PCDHGB1: variants seen among roughly 807,000 people sequenced by gnomAD.
PCDHGB1 encodes the protein protocadherin gamma subfamily B, 1.
A neutral mutation model predicts 56.6 loss-of-function variants in PCDHGB1; 34 were observed. That is an observed-to-expected ratio of 0.60 (90% CI 0.46 to 0.80). The LOEUF (loss-of-function observed/expected upper bound fraction) is 0.80. PCDHGB1 is among the 30% of genes least tolerant of loss of function. PCDHGB1 has a pLI of 0.00. For synonymous variants in PCDHGB1, 561 were observed against 505.9 expected (o/e 1.11, Z -1.46); for missense variants, 1,278 against 1,204.6 (o/e 1.06, Z -0.90).
At chr5:141,447,937 T>A (rs1036604034) in intron 1 of PCDHGB1, among the ~76,000 whole-genome samples, 1 of 151,852 alleles carries the variant, frequency 6.6e-6, no homozygotes, top group Non-Finnish European at 1.5e-5. Context: ...AATACAAAAA[T>A]TAGCTGGGCA....
intron 1 of PCDHGB1, among the ~76,000 whole-genome samples, chr5:141,482,238 A>G (rs560354311): frequency 8.5e-5 from 13 of 152,304 alleles, no homozygotes; most frequent in African/African-American, 2.9e-4. Context: ...TTGCCAATAT[A>G]AGTATAGTAC....
At chr5:141,443,481 G>C (rs1025329476) in intron 1 of PCDHGB1, among the ~76,000 whole-genome samples, 3 of 152,114 alleles carry the variant, frequency 2.0e-5, no homozygotes, top group African/African-American at 7.2e-5. Context: ...ATTAGACCCT[G>C]TCCCAAAACA....
At chr5:141,395,578 G>A (rs2093281923) in intron 1 of PCDHGB1, 1 of 227,714 alleles carries the variant, frequency 4.4e-6, no homozygotes, top group East Asian at 9.3e-5. Flanking sequence ...GTGTGTGTGT[G>A]TGTGTGTGTG....
intron 1 of PCDHGB1, chr5:141,385,250 G>C (rs1448897004): frequency 6.2e-7 from 1 of 1,613,820 alleles, no homozygotes. Context: ...AGCCAGGAGA[G>C]CTGTGAGAAA....
chr5:141,483,716 G>C (rs772661472), intron 1 of PCDHGB1, among the ~76,000 whole-genome samples: 1 of 151,974 alleles, frequency 6.6e-6, no homozygotes, highest in Non-Finnish European at 1.5e-5. Context: ...CCAGAATATT[G>C]GTTCCCACCA....
chr5:141,401,408 A>T (rs943963302), intron 1 of PCDHGB1, among the ~76,000 whole-genome samples: 9 of 152,200 alleles, frequency 5.9e-5, no homozygotes, highest in African/African-American at 1.7e-4. Context: ...TATGAGAGAG[A>T]AAGAGAGAGA....
rs749832081 is a variant in PCDHGB1, at chr5:141,360,505, C to G, written c.2409+7836C>G. On this transcript the variant is annotated intron_variant, in intron 1 of 3. Coordinates refer to ENST00000523390, the MANE Select transcript of PCDHGB1 (RefSeq NM_018922.3). ...TATTTTCTACATAGCAGTAATTGTG[C>G]AGGATATAAATGATAATACCCCGCT... 5 of 1,613,778 alleles carry G rather than the reference C, an allele frequency of 3.1e-6. No individual in the cohort carries two copies. The Admixed American group carries it at 8.3e-5, about 27-fold the overall frequency.
chr5:141,473,796 G>A (rs2099328996), intron 1 of PCDHGB1, among the ~76,000 whole-genome samples: 1 of 152,224 alleles, frequency 6.6e-6, no homozygotes, highest in African/African-American at 2.4e-5. Context: ...GCAGTATGAT[G>A]CTACTGAGGA....
intron 1 of PCDHGB1, chr5:141,357,782 G>A: frequency 1.2e-6 from 1 of 860,438 alleles, no homozygotes; most frequent in Non-Finnish European, 1.7e-6. Context: ...ATGATCAACA[G>A]TATTTACCAC....
intron 1 of PCDHGB1, chr5:141,420,314 A>G (rs1454977890): frequency 6.9e-7 from 1 of 1,442,692 alleles, no homozygotes; most frequent in African/African-American, 1.4e-5. Flanking sequence ...TTTATATTAC[A>G]ATATGCCAAT....
chr5:141,358,763 C>G (rs984057790), intron 1 of PCDHGB1, among the ~76,000 whole-genome samples: 3 of 152,156 alleles, frequency 2.0e-5, no homozygotes, highest in African/African-American at 7.2e-5. Flanking sequence ...ATCATGTGAG[C>G]CTCTTTCAAA....
chr5:141,360,064 C>T (rs769109998), intron 1 of PCDHGB1: 18 of 1,462,328 alleles, frequency 1.2e-5, no homozygotes, highest in Non-Finnish European at 1.5e-5. Context: ...GGAAAAGTGA[C>T]CTTAGCCCGG....
At chr5:141,387,473 G>C (rs1032850562) in intron 1 of PCDHGB1, among the ~76,000 whole-genome samples, 2 of 152,190 alleles carry the variant, frequency 1.3e-5, no homozygotes. Context: ...CCTCAAAGTT[G>C]GGATGAAGGC....
Position 141,477,128 on chromosome 5 carries a change from G to C in PCDHGB1, c.2410-17679G>C. On this transcript the variant is annotated intron_variant, in intron 1 of 3. Transcript: ENST00000523390. The surrounding 1 kb of genome is among the most constrained non-coding windows in gnomAD (Gnocchi z 4.9). ...CAATCCCGAAGGAGCACATTGCAAA[G>C]TGTTGGTGGAGGTTGTGGATGTGAA... 1.9e-6 allele frequency: 3 copies of C among 1,614,250 alleles called. No homozygotes were observed. The highest frequency in any genetic ancestry group is 2.5e-6 in the Non-Finnish European group (3 of 1,180,046).
chr5:141,435,934 T>A (rs1311888999), intron 1 of PCDHGB1, among the ~76,000 whole-genome samples: 2 of 152,160 alleles, frequency 1.3e-5, no homozygotes, highest in Non-Finnish European at 2.9e-5. Flanking sequence ...CAGTTGCTGC[T>A]TCTGAGACCA....
At position 141,350,815 on chromosome 5, in the gene PCDHGB1, A is replaced by G. The variant is rs1758568348; in HGVS notation, c.555A>G (p.Gly185=). The G allele has an allele frequency of 1.2e-6, 2 of 1,613,904 alleles. No homozygotes were observed. Among genetic ancestry groups the G allele is most frequent in the African/African-American group, 1.3e-5 (1 of 74,940 alleles). ...TGTCAACGAAGGAAAGTCCTGATGG[A>G]AGTAAATATCCGGTATTACTGCTGG... ...FSLSTKESPD[G]SKYPVLLLEK... The change falls in exon 1 of 4, where the codon GGA becomes GGG. Residue 185 remains glycine (G), a synonymous_variant. Coordinates refer to ENST00000523390, the MANE Select transcript of PCDHGB1 (RefSeq NM_018922.3).
chr5:141,438,347 C>T (rs150878327), intron 1 of PCDHGB1, among the ~76,000 whole-genome samples: 7 of 151,730 alleles, frequency 4.6e-5, no homozygotes, highest in Non-Finnish European at 2.9e-5. Flanking sequence ...TAAGGATCTA[C>T]TCTGTGTATT....
intron 1 of PCDHGB1, among the ~76,000 whole-genome samples, chr5:141,406,263 TC>T (rs1163660392): frequency 3.9e-5 from 6 of 151,964 alleles, no homozygotes; most frequent in Non-Finnish European, 8.8e-5. Flanking sequence ...CAAACGATCT[TC>T]CTGCTTCAGT....
intron 1 of PCDHGB1, chr5:141,428,732 T>C (rs976924838): frequency 1.3e-5 from 2 of 159,284 alleles, no homozygotes; most frequent in African/African-American, 4.8e-5. Context: ...CTTAAACATA[T>C]TATATCTACT....
Sources: gnomAD v4.1 joint callset for allele counts (sites outside exome capture counted in the v4.1 genomes callset) on GRCh38, gnomAD v4.1.1 for gene constraint, Gnocchi (gnomAD v3.1) non-coding constraint, MANE v1.5 for transcripts, NCBI Gene and HGNC (gene_info 2026-07-23, HGNC 2026-07-21) for gene names.